CARS2: variants seen among roughly 807,000 people sequenced by gnomAD.
CARS2 encodes the protein cysteinyl-tRNA synthetase 2, mitochondrial, also known as probable cysteine--tRNA ligase, mitochondrial.
Under a neutral mutation model 68.8 loss-of-function variants are expected in CARS2, and 52 were observed. The observed-to-expected ratio is 0.76, with a 90% CI of 0.61 to 0.95. CARS2 has a LOEUF of 0.95. CARS2 is among the 40% of genes least tolerant of loss of function. The pLI is 0.00. For synonymous variants in CARS2, 314 were observed against 303.6 expected, an observed-to-expected ratio of 1.03 and a Z score of -0.36; for missense variants, 780 against 754.2, an observed-to-expected ratio of 1.03 and a Z score of -0.40.
chr13:110,659,362 C>G (rs1029614900), intron 9 of CARS2, among the ~76,000 whole-genome samples: 14 of 152,302 alleles, frequency 9.2e-5, no homozygotes, highest in African/African-American at 3.1e-4. Context: ...CCTGCTGTAG[C>G]AGGGTGAGGA....
intron 8 of CARS2, chr13:110,666,949 G>A (rs2062664729): frequency 1.0e-6 from 1 of 985,442 alleles, no homozygotes; most frequent in Non-Finnish European, 1.2e-6. Flanking sequence ...TCAGTTAGGT[G>A]TTTGAACAGT....
At chr13:110,686,123 G>A (rs1237689408) in intron 5 of CARS2, among the ~76,000 whole-genome samples, 4 of 152,024 alleles carry the variant, frequency 2.6e-5, no homozygotes, top group South Asian at 2.1e-4. Context: ...GAGAGGACAC[G>A]CGAAGCTAGC....
Position 110,654,949 on chromosome 13 carries a change from AAAG to A in CARS2, c.988-3852_988-3850del, listed in dbSNP as rs1295447028. Reference sequence around the variant, plus strand: ...AAAAAAAAAAAAGAAAAAGAAAAAAAAAGAAAAAGAAAAAAAGGAAAAAAGGTA... The same window carrying A: ...AAAAAAAAAAAAGAAAAAGAAAAAAAAAAAAGAAAAAAAGGAAAAAAGGTA... On this transcript the variant is annotated intron_variant, in intron 9 of 14. Transcript: ENST00000257347. 3.9e-4 allele frequency among the ~76,000 whole-genome samples: 53 copies of A among 136,420 alleles called. 1 individual carries two copies. In the South Asian group the frequency reaches 6.1e-3, roughly 16 times the overall value. 89.5% of individuals were successfully genotyped at this position (136,420 alleles called of 152,430 possible).
chr13:110,646,178 G>A (rs1015604547), intron 11 of CARS2, 88 bp from the exon 12 acceptor site: 15 of 1,434,446 alleles, frequency 1.0e-5, no homozygotes, highest in Middle Eastern at 4.5e-4. Context: ...AGGGAGAGAC[G>A]CTGGGGGCTC....
Position 110,680,147 on chromosome 13 carries a change from AGGGGG to A in CARS2, c.655+2899_655+2903del, listed in dbSNP as rs56104854. Reference sequence around the variant, plus strand: ...ATAACCCCAGTACTTTGGGAGGCCGAGGGGGGGGGGGGGGGGGGTGGATCACCTGA... The same window carrying A: ...ATAACCCCAGTACTTTGGGAGGCCGAGGGGGGGGGGGGGTGGATCACCTGA... On this transcript the variant is annotated intron_variant, in intron 6 of 14. Transcript: ENST00000257347. 5.4e-3 allele frequency among the ~76,000 whole-genome samples: 666 copies of A among 122,636 alleles called. 2 individuals carry two copies. The highest frequency in any genetic ancestry group is 0.015 in the South Asian group (57 of 3,798). 80.5% of individuals were successfully genotyped at this position (122,636 alleles called of 152,430 possible). A position where few individuals can be genotyped will look rare whatever the true frequency, so the allele number is the denominator to read the frequency against.
At chr13:110,647,835 A>G (rs1036994982) in intron 10 of CARS2, among the ~76,000 whole-genome samples, 4 of 101,748 alleles carry the variant, frequency 3.9e-5, no homozygotes, top group African/African-American at 1.6e-4. Context: ...GGGTAAGACA[A>G]CAGGAGTGAA....
chr13:110,700,697 T>C (rs180940486), intron 3 of CARS2, among the ~76,000 whole-genome samples: 259 of 152,350 alleles, frequency 1.7e-3, no homozygotes, highest in African/African-American at 5.9e-3. Flanking sequence ...TACTAATAGA[T>C]ACAAAAAGTA....
chr13:110,675,213 T>C (rs890800328), intron 7 of CARS2, among the ~76,000 whole-genome samples: 4 of 152,194 alleles, frequency 2.6e-5, no homozygotes, highest in African/African-American at 7.2e-5. Context: ...ACTGGATATA[T>C]ACCCAAAGGA....
intron 5 of CARS2, among the ~76,000 whole-genome samples, chr13:110,685,945 C>G (rs1264058419): frequency 7.3e-6 from 1 of 137,086 alleles, no homozygotes; most frequent in Non-Finnish European, 1.5e-5. Context: ...CACAGGAAAA[C>G]TGACCTGTCA....
chr13:110,646,999 G>T, intron 11 of CARS2, 102 bp downstream of exon 11: 1 of 1,354,384 alleles, frequency 7.4e-7, no homozygotes, highest in Non-Finnish European at 9.8e-7. Context: ...CCTGTCCAGC[G>T]CCCTGTCTCC....
At chr13:110,706,238 C>T, upstream of CARS2, 1 of 518,494 alleles carries the variant, frequency 1.9e-6, no homozygotes, top group Non-Finnish European at 2.8e-6. Flanking sequence ...CAGGTAGCGC[C>T]TCCCTTTGGC....
rs565289342 is a variant in CARS2, at chr13:110,649,658, G to C, written c.1054+1376C>G. 2.0e-5 allele frequency among the ~76,000 whole-genome samples: 3 copies of C among 152,330 alleles called. No individual in the cohort carries two copies. The East Asian group carries it at 5.8e-4, about 29-fold the overall frequency. ...TGGAGCAAGAGAGCTACGTAGGAGGGACAAGAAGGGGGAGAGGGAGGTGGC... is the reference window on the plus strand; with the variant it reads ...TGGAGCAAGAGAGCTACGTAGGAGGCACAAGAAGGGGGAGAGGGAGGTGGC... On this transcript the variant is annotated intron_variant, in intron 10 of 14. Coordinates refer to ENST00000257347, the MANE Select transcript of CARS2 (RefSeq NM_024537.4).
chr13:110,687,053 G>C (rs754357542), intron 5 of CARS2, among the ~76,000 whole-genome samples: 3 of 152,144 alleles, frequency 2.0e-5, no homozygotes, highest in East Asian at 3.9e-4. Context: ...AAGAGAGCAG[G>C]TCTCTGGAGG....
intron 6 of CARS2, among the ~76,000 whole-genome samples, chr13:110,679,650 CGGAGGGAGGGAGGGAG>C (rs571685789): frequency 2.3e-5 from 1 of 43,162 alleles, no homozygotes; most frequent in Non-Finnish European, 4.4e-5. Flanking sequence ...CGGGCGTGAC[CGGAGGGAGGGAGGGAG>C]GGAGGGAGGG....
chr13:110,677,947 G>T (rs559050366), intron 6 of CARS2: 1 of 152,554 alleles, frequency 6.6e-6, no homozygotes, highest in African/African-American at 2.4e-5. Flanking sequence ...CGGCCACCCC[G>T]GTGGAAGCCC....
Position 110,653,818 on chromosome 13 carries a change from A to C in CARS2, c.988-2718T>G, listed in dbSNP as rs1248903159. ...TTCATTACACAGTATTCTGACAATG[A>C]TGTGAAAACTCTTGAATACTGTGGG... is the stretch of plus-strand genomic sequence containing the variant. On this transcript the variant is annotated intron_variant, in intron 9 of 14. Coordinates refer to ENST00000257347, the MANE Select transcript of CARS2 (RefSeq NM_024537.4). This position sits in a 1 kb window ranked among gnomAD's most constrained non-coding sequence, Gnocchi z 5.6. 6.6e-6 allele frequency among the ~76,000 whole-genome samples: 1 copy of C among 152,240 alleles called. No individual in the cohort carries two copies. The highest frequency in any genetic ancestry group is 1.5e-5 in the Non-Finnish European group (1 of 68,036).
At chr13:110,645,861 C>G in intron 12 of CARS2, 106 bp downstream of exon 12, 1 of 1,402,012 alleles carries the variant, frequency 7.1e-7, no homozygotes, top group Non-Finnish European at 9.6e-7. Flanking sequence ...CTGCGGGAGG[C>G]GAAATCAGCA....
Position 110,646,110 on chromosome 13 carries a change from C to T in CARS2, c.1194-20G>A, listed in dbSNP as rs1888079338. The T allele has an allele frequency of 6.2e-7, 1 of 1,609,330 alleles. No individual in the cohort carries two copies. Among genetic ancestry groups the T allele is most frequent in the Non-Finnish European group, 8.5e-7 (1 of 1,178,254 alleles). ...GAGAGCCTGAGGGAAGAGGAGAGAA[C>T]AGTCACAGCAGAGGGAGCTCCACTC... is the stretch of plus-strand genomic sequence containing the variant. On this transcript the variant is annotated intron_variant, in intron 11 of 14. Transcript: ENST00000257347.
In CARS2 at chr13:110,644,493, A is replaced by C. The variant is rs773908976; in HGVS notation, c.1318-10T>G. On this transcript the variant is annotated splice_polypyrimidine_tract_variant and intron_variant, in intron 12 of 14. Coordinates refer to ENST00000257347, the MANE Select transcript of CARS2 (RefSeq NM_024537.4). Reference sequence around the variant, plus strand: ...TCGGCCCTTCAGGTTCCTGTAAGAGATCATGTCGCAGAAGCTCCTTAAAAG... The same window carrying C: ...TCGGCCCTTCAGGTTCCTGTAAGAGCTCATGTCGCAGAAGCTCCTTAAAAG... The C allele has an allele frequency of 6.2e-7, 1 of 1,613,842 alleles. No homozygotes were observed.
Sources: allele counts gnomAD v4.1 joint callset (sites outside exome capture counted in the v4.1 genomes callset), GRCh38; gene constraint gnomAD v4.1.1; non-coding constraint Gnocchi (gnomAD v3.1); transcripts MANE v1.5; gene names NCBI Gene and HGNC (gene_info 2026-07-23, HGNC 2026-07-21).